The following SORCS1 variants were observed in gnomAD, a reference collection of about 807,000 sequenced individuals.
SORCS1 encodes VPS10 domain-containing receptor SorCS1.
SORCS1 carries 60 observed loss-of-function variants against 146.1 expected under a neutral mutation model. The ratio of observed to expected loss-of-function variants is 0.41; its 90% CI spans 0.33 to 0.51. The LOEUF is 0.51. SORCS1 is among the 20% of genes least tolerant of loss of function. The pLI, the probability that SORCS1 is intolerant of heterozygous loss-of-function variation, is 0.21. For missense variants in SORCS1, 1,352 were observed against 1,487.6 expected (o/e 0.91, Z 1.50); for synonymous variants, 637 against 584.0 (o/e 1.09, Z -1.31).
chr10:107,133,575 A>G (rs1296390119), intron 1 of SORCS1, among the ~76,000 whole-genome samples: 1 of 152,160 alleles, frequency 6.6e-6, no homozygotes, highest in African/African-American at 2.4e-5. Context: ...CTGAGTTCCA[A>G]CATCAGGTAC....
At chr10:106,747,604 G>C (rs1425493066) in intron 5 of SORCS1, among the ~76,000 whole-genome samples, 2 of 151,870 alleles carry the variant, frequency 1.3e-5, no homozygotes, top group African/African-American at 4.8e-5. Context: ...CTACTCTTCT[G>C]TCTTGAATTT....
At chr10:106,628,509 T>C (rs1848238663) in intron 19 of SORCS1, among the ~76,000 whole-genome samples, 1 of 152,242 alleles carries the variant, frequency 6.6e-6, no homozygotes, top group Non-Finnish European at 1.5e-5. Flanking sequence ...AACATGTTAA[T>C]GACACATGTT....
At chr10:107,124,808 A>G (rs576868600) in intron 1 of SORCS1, among the ~76,000 whole-genome samples, 3 of 152,184 alleles carry the variant, frequency 2.0e-5, no homozygotes, top group African/African-American at 4.8e-5. Flanking sequence ...TTTTCTCTTT[A>G]CAAAACTCAC....
intron 2 of SORCS1, among the ~76,000 whole-genome samples, chr10:106,838,423 T>C (rs1180019105): frequency 6.6e-6 from 1 of 152,190 alleles, no homozygotes; most frequent in Non-Finnish European, 1.5e-5. Flanking sequence ...TCAAAGAACC[T>C]ATAACGAAGG....
At chr10:106,874,806 T>C (rs1950539297) in intron 2 of SORCS1, among the ~76,000 whole-genome samples, 1 of 152,210 alleles carries the variant, frequency 6.6e-6, no homozygotes, top group Non-Finnish European at 1.5e-5. Flanking sequence ...AGTTGCTAGA[T>C]CACGTATGGC....
At chr10:107,050,102 C>T (rs1959965671) in intron 1 of SORCS1, among the ~76,000 whole-genome samples, 1 of 152,166 alleles carries the variant, frequency 6.6e-6, no homozygotes, top group Non-Finnish European at 1.5e-5. Context: ...AGCCAAAAAC[C>T]TTAACCCTTA....
chr10:107,164,826 C>G (rs1969992995), upstream of SORCS1, among the ~76,000 whole-genome samples: 1 of 147,572 alleles, frequency 6.8e-6, no homozygotes, highest in East Asian at 2.0e-4. This position sits in a 1 kb window ranked among gnomAD's most constrained non-coding sequence, Gnocchi z 6.8. Flanking sequence ...CAGGCGCTGC[C>G]GGGACTCCGG....
chr10:106,800,362 T>C (rs1589909512), intron 3 of SORCS1, among the ~76,000 whole-genome samples: 1 of 152,102 alleles, frequency 6.6e-6, no homozygotes, highest in African/African-American at 2.4e-5. Flanking sequence ...TAAGACTTCC[T>C]AAAGGTTGAT....
At chr10:106,959,453 A>G (rs1955121049) in intron 1 of SORCS1, among the ~76,000 whole-genome samples, 2 of 152,144 alleles carry the variant, frequency 1.3e-5, no homozygotes, top group Admixed American at 1.3e-4. Context: ...ATTACTGAAC[A>G]ACGATGCATC....
At chr10:106,714,807 G>C (rs1487862405) in intron 6 of SORCS1, among the ~76,000 whole-genome samples, 1 of 152,132 alleles carries the variant, frequency 6.6e-6, no homozygotes, top group African/African-American at 2.4e-5. Flanking sequence ...GGACTTGTGA[G>C]ATCAACTGTC....
At chr10:106,971,692 G>A (rs1020932946) in intron 1 of SORCS1, among the ~76,000 whole-genome samples, 12 of 152,124 alleles carry the variant, frequency 7.9e-5, no homozygotes, top group African/African-American at 2.2e-4. Flanking sequence ...CTGTTCTTTC[G>A]TTCAAGAGTG....
At chr10:107,040,680 G>C (rs932862) in intron 1 of SORCS1, among the ~76,000 whole-genome samples, 1 of 152,024 alleles carries the variant, frequency 6.6e-6, no homozygotes, top group Non-Finnish European at 1.5e-5. Context: ...TAAAGAAACC[G>C]GATTAGGGTT....
rs113289987 is a variant in SORCS1, at chr10:106,905,700, A to G, written c.626+50813T>C. Among the ~76,000 whole-genome samples the G allele has an allele frequency of 4.2e-3, 632 of 152,254 alleles. 8 individuals are homozygous for G. Among genetic ancestry groups the G allele is most frequent in the African/African-American group, 0.015 (621 of 41,540 alleles). On this transcript the variant is annotated intron_variant, in intron 2 of 25. Transcript: ENST00000263054. ...TACTACATCATTTGGCTTTGGTCCA[A>G]TCTCCACTTCTGTGAGTCTCACCTT...
chr10:106,943,593 G>A (rs941186344), intron 2 of SORCS1, among the ~76,000 whole-genome samples: 1 of 151,930 alleles, frequency 6.6e-6, no homozygotes, highest in Admixed American at 6.6e-5. Context: ...GGATCATGAG[G>A]TCAGGAGATC....
chr10:106,894,559 C>T (rs528680999), intron 2 of SORCS1, among the ~76,000 whole-genome samples: 1 of 152,084 alleles, frequency 6.6e-6, no homozygotes, highest in South Asian at 2.1e-4. Flanking sequence ...CTGGAGACCT[C>T]CATGGTAGAG....
intron 18 of SORCS1, among the ~76,000 whole-genome samples, chr10:106,646,381 C>T (rs1165547068): frequency 6.6e-6 from 1 of 152,004 alleles, no homozygotes; most frequent in Non-Finnish European, 1.5e-5. Flanking sequence ...CATGAAGATA[C>T]TCTTCTGTGC....
At chr10:106,890,673 C>A (rs1055434474) in intron 2 of SORCS1, among the ~76,000 whole-genome samples, 2 of 152,130 alleles carry the variant, frequency 1.3e-5, no homozygotes, top group Non-Finnish European at 2.9e-5. Flanking sequence ...TCTTAAGTTA[C>A]CAGAAGTTTT....
intron 5 of SORCS1, among the ~76,000 whole-genome samples, chr10:106,741,178 G>A (rs2136105897): frequency 6.6e-6 from 1 of 152,226 alleles, no homozygotes; most frequent in African/African-American, 2.4e-5. Context: ...GTGTATCAAG[G>A]TTGGAATTAC....
chr10:106,960,293 G>C lies in SORCS1; in HGVS notation c.559-3713C>G, dbSNP rs1375023151. ...TATCCCCCTCGCCAGTCTAGGACTTGCTGTCAGCACATGACATTTGTACTT... is the reference window on the plus strand; with the variant it reads ...TATCCCCCTCGCCAGTCTAGGACTTCCTGTCAGCACATGACATTTGTACTT... On this transcript the variant is annotated intron_variant, in intron 1 of 25. Transcript: ENST00000263054. This position sits in a 1 kb window ranked among gnomAD's most constrained non-coding sequence, Gnocchi z 4.4. Among the ~76,000 whole-genome samples the C allele has an allele frequency of 6.6e-6, 1 of 152,152 alleles. No homozygotes were observed. Among genetic ancestry groups the C allele is most frequent in the Admixed American group, 6.5e-5 (1 of 15,276 alleles).
Sources: allele counts gnomAD v4.1 joint callset (sites outside exome capture counted in the v4.1 genomes callset), GRCh38; gene constraint gnomAD v4.1.1; non-coding constraint Gnocchi (gnomAD v3.1); transcripts MANE v1.5; gene names NCBI Gene and HGNC (gene_info 2026-07-23, HGNC 2026-07-21).